Variants in TNRC6B observed in about 807,000 individuals in gnomAD.
TNRC6B encodes trinucleotide repeat-containing gene 6B protein.
Under a neutral mutation model 203.6 loss-of-function variants are expected in TNRC6B, and 52 were observed. That is an observed-to-expected ratio of 0.26 (90% confidence interval 0.20 to 0.32). The LOEUF (loss-of-function observed/expected upper bound fraction) is 0.32, where lower values mean the gene tolerates loss of function less well. TNRC6B is among the 10% of genes least tolerant of loss of function. The pLI is 1.00. For missense variants in TNRC6B, 1,923 were observed against 2,286.2 expected, an observed-to-expected ratio of 0.84 and a Z score of 3.24; for synonymous variants, 838 against 845.7, an observed-to-expected ratio of 0.99 and a Z score of 0.16.
At chr22:40,173,297 A>G (rs1460184296), upstream of TNRC6B, among the ~76,000 whole-genome samples, 2 of 151,908 alleles carry the variant, frequency 1.3e-5, no homozygotes, top group East Asian at 1.9e-4. Flanking sequence ...GGGTTTCACC[A>G]TGTTGACCAG....
intron 2 of TNRC6B, among the ~76,000 whole-genome samples, chr22:40,120,770 A>G (rs1473959847): frequency 2.6e-5 from 4 of 152,222 alleles, no homozygotes; most frequent in Non-Finnish European, 5.9e-5. Context: ...CACGTTTATC[A>G]TTCATAAAGT....
chr22:40,149,562 C>T (rs1160533210), intron 3 of TNRC6B, among the ~76,000 whole-genome samples: 3 of 151,506 alleles, frequency 2.0e-5, no homozygotes, highest in African/African-American at 7.3e-5. Context: ...CCCAGCTACT[C>T]AGGAGGCGGA....
chr22:40,048,178 A>C (rs1569242683), intron 1 of TNRC6B, among the ~76,000 whole-genome samples: 2 of 152,120 alleles, frequency 1.3e-5, no homozygotes, highest in Non-Finnish European at 2.9e-5. Context: ...TCACGTCTTC[A>C]CTACACAGTC....
intron 3 of TNRC6B, among the ~76,000 whole-genome samples, chr22:40,131,482 T>C (rs2068544645): frequency 1.3e-5 from 2 of 151,874 alleles, no homozygotes; most frequent in South Asian, 2.1e-4. Flanking sequence ...AGATTATAGA[T>C]CATTCCTGAA....
intron 5 of TNRC6B, 103 bp from the exon 6 acceptor site, chr22:40,270,019 C>G: frequency 8.8e-7 from 1 of 1,135,474 alleles, no homozygotes; most frequent in East Asian, 3.0e-5. Flanking sequence ...TACATTTCTA[C>G]CAACAGAATA....
intron 1 of TNRC6B, among the ~76,000 whole-genome samples, chr22:40,183,695 TG>T (rs906734146): frequency 5.9e-5 from 9 of 151,794 alleles, no homozygotes; most frequent in Non-Finnish European, 1.0e-4. Flanking sequence ...ATTACTAGGT[TG>T]TTTTTTTTTT....
chr22:40,061,875 A>ACCAGC (rs1569247111), intron 1 of TNRC6B, among the ~76,000 whole-genome samples: 1 of 152,106 alleles, frequency 6.6e-6, no homozygotes, highest in East Asian at 2.0e-4. Context: ...GGAGTTCGAG[A>ACCAGC]CCAGCCTAGC....
At chr22:40,129,429 C>G (rs2068522226) in intron 3 of TNRC6B, among the ~76,000 whole-genome samples, 1 of 152,104 alleles carries the variant, frequency 6.6e-6, no homozygotes, top group African/African-American at 2.4e-5. Flanking sequence ...TCGGGTAGGA[C>G]TACATTCATG....
At chr22:40,212,412 T>G (rs780797206) in intron 1 of TNRC6B, among the ~76,000 whole-genome samples, 7 of 152,268 alleles carry the variant, frequency 4.6e-5, no homozygotes, top group Non-Finnish European at 1.0e-4. Flanking sequence ...CATAGTGCTG[T>G]TAGCACTCTC....
At chr22:40,279,063 A>G (rs1054808842) in intron 9 of TNRC6B, among the ~76,000 whole-genome samples, 1 of 152,146 alleles carries the variant, frequency 6.6e-6, no homozygotes, top group Non-Finnish European at 1.5e-5. Context: ...TGTCAGAACT[A>G]ATTCGGGTCT....
rs557902517 is a variant in TNRC6B at position 40,296,610 on chromosome 22, G to A, written c.3709-3845G>A. Among the ~76,000 whole-genome samples, 7 of 151,014 alleles carry A rather than the reference G, an allele frequency of 4.6e-5. No homozygotes were observed. The East Asian group carries it at 1.2e-3, about 25-fold the overall frequency. On this transcript the variant is annotated intron_variant, in intron 12 of 22. Transcript: ENST00000454349. The stretch of plus-strand genomic sequence containing the variant: ...GCTTCCCAAAGTGCTGGGATTACAG[G>A]CGTGAGCCACCGCGCCCGGCCTTTT...
chr22:40,064,542 A>T lies in TNRC6B; in HGVS notation c.-121+19544A>T, dbSNP rs183718668. Among the ~76,000 whole-genome samples the T allele has an allele frequency of 3.3e-5, 5 of 151,738 alleles. No homozygotes were observed. In the East Asian group the frequency reaches 9.7e-4, roughly 29 times the overall value. ...ATTTATTCTACTGATGTGGTATATTACATTGATTTTTGTATATTAAGCTAA... is the reference window on the plus strand; with the variant it reads ...ATTTATTCTACTGATGTGGTATATTTCATTGATTTTTGTATATTAAGCTAA... On this transcript the variant is annotated intron_variant, in intron 1 of 23. Coordinates refer to the TNRC6B transcript ENST00000301923.
chr22:40,186,755 AAAAAT>A (rs2069209326), intron 1 of TNRC6B, among the ~76,000 whole-genome samples: 1 of 151,264 alleles, frequency 6.6e-6, no homozygotes, highest in Non-Finnish European at 1.5e-5. Flanking sequence ...AAAAAAAGTT[AAAAAT>A]AAAAAGAAAT....
In TNRC6B at chr22:40,328,834, A is replaced by T. The variant is rs1435041828; in HGVS notation, c.*5593A>T. 6.6e-6 allele frequency: 1 copy of T among 152,378 alleles called. No individual in the cohort carries two copies. The highest frequency in any genetic ancestry group is 2.4e-5 in the African/African-American group (1 of 41,424). The allele number at this position is 152,378 out of a possible 1,614,324, so 9.4% of individuals were successfully genotyped here. On this transcript the variant is annotated 3_prime_UTR_variant, in exon 23 of 23. Transcript: ENST00000454349. ...TCCCCATCCTCAGAGTTAAAATTCA[A>T]CATTTAAAGCTTTATCGGTTATTGT...
intron 2 of TNRC6B, among the ~76,000 whole-genome samples, chr22:40,119,999 A>G (rs1000818685): frequency 6.6e-6 from 1 of 152,244 alleles, no homozygotes; most frequent in Non-Finnish European, 1.5e-5. Context: ...AAAAATGGGT[A>G]TCAATATGAC....
At chr22:40,183,396 A>C (rs1012847882) in intron 1 of TNRC6B, among the ~76,000 whole-genome samples, 1 of 152,208 alleles carries the variant, frequency 6.6e-6, no homozygotes, top group Non-Finnish European at 1.5e-5. Flanking sequence ...GCACAAGGAC[A>C]GGAGCAGCAC....
chr22:40,143,389 C>T (rs1601838633), intron 3 of TNRC6B, among the ~76,000 whole-genome samples: 1 of 151,968 alleles, frequency 6.6e-6, no homozygotes, highest in Non-Finnish European at 1.5e-5. Flanking sequence ...GCTATGATCA[C>T]GCCACTGCAC....
chr22:40,195,846 T>C (rs1368848130), intron 1 of TNRC6B, among the ~76,000 whole-genome samples: 1 of 152,240 alleles, frequency 6.6e-6, no homozygotes, highest in Non-Finnish European at 1.5e-5. Flanking sequence ...ATCAGCTCAC[T>C]GCAAGCTCCA....
At chr22:40,134,052 G>C (rs1342152159) in intron 3 of TNRC6B, among the ~76,000 whole-genome samples, 2 of 144,736 alleles carry the variant, frequency 1.4e-5, no homozygotes, top group African/African-American at 5.0e-5. Flanking sequence ...CAGATATCTT[G>C]ATGTCTGTTA....
Sources: allele counts gnomAD v4.1 joint callset (sites outside exome capture counted in the v4.1 genomes callset), GRCh38; gene constraint gnomAD v4.1.1; transcripts MANE v1.5; gene names NCBI Gene and HGNC (gene_info 2026-07-23, HGNC 2026-07-21).